Variants in SEC24C observed in about 807,000 individuals in gnomAD.
The protein encoded by SEC24C is SEC24 homolog C, COPII component.
SEC24C carries 22 observed loss-of-function variants against 117.0 expected under a neutral mutation model. The ratio of observed to expected loss-of-function variants is 0.19; its 90% CI spans 0.13 to 0.27. SEC24C has a LOEUF of 0.27. SEC24C is among the 10% of genes least tolerant of loss of function. The probability of loss-of-function intolerance (pLI) is 1.00; values close to 1 mark genes in which losing one functional copy is unlikely to be tolerated. For synonymous variants in SEC24C, 506 were observed against 529.4 expected, an observed-to-expected ratio of 0.96 and a Z score of 0.61; for missense variants, 1,155 against 1,375.1, an observed-to-expected ratio of 0.84 and a Z score of 2.53.
chr10:73,760,497 G>A, intron 5 of SEC24C, 111 bp downstream of exon 5: 2 of 1,343,538 alleles, frequency 1.5e-6, no homozygotes, highest in African/African-American at 1.5e-5. Context: ...TGGTGAATTA[G>A]ATGGGTAGCT....
intron 3 of SEC24C, chr10:73,752,009 G>A (rs1305149963): frequency 6.6e-6 from 1 of 152,156 alleles, no homozygotes; most frequent in African/African-American, 2.4e-5. Flanking sequence ...ATACTAAAAG[G>A]GAAACCACAT....
At chr10:73,768,696 T>A in intron 15 of SEC24C, 114 bp from the exon 16 acceptor site, 9 of 887,436 alleles carry the variant, frequency 1.0e-5, no homozygotes, top group South Asian at 1.4e-5. Context: ...TCATCCTCAC[T>A]GTTATGATGA....
At chr10:73,764,012 T>C (rs1156972851) in intron 8 of SEC24C, 29 bp downstream of exon 8, 1 of 1,555,564 alleles carries the variant, frequency 6.4e-7, no homozygotes, top group Non-Finnish European at 8.7e-7. Context: ...TAGAGTGTAA[T>C]GAAAGGGAGG....
intron 8 of SEC24C, 66 bp from the exon 9 acceptor site, chr10:73,765,382 TTCC>T: frequency 6.4e-7 from 1 of 1,562,510 alleles, no homozygotes; most frequent in South Asian, 1.1e-5. Flanking sequence ...CCGGTTGTTC[TTCC>T]TCATCTCCTG....
In SEC24C at chr10:73,772,135, A is replaced by T; in HGVS notation, c.*1040A>T. On this transcript the variant is annotated 3_prime_UTR_variant, in exon 23 of 23. Transcript: ENST00000345254. ...ATTTTTCAATGCATCTTTAATTTGT[A>T]AAGAAATAAAATAAATTAAGATGTA... 3 of 420,886 alleles carry T rather than the reference A, an allele frequency of 7.1e-6. No individual in the cohort carries two copies. The East Asian group carries it at 1.1e-4, about 15-fold the overall frequency. The allele number at this position is 420,886 out of a possible 1,614,324, so 26.1% of individuals were successfully genotyped here.
chr10:73,765,641 T>G (rs758677270), intron 9 of SEC24C, 52 bp downstream of exon 9: 11 of 1,602,582 alleles, frequency 6.9e-6, no homozygotes, highest in Non-Finnish European at 9.4e-6. Flanking sequence ...GTATCTTCCT[T>G]GTTCTCTATT....
At chr10:73,751,024 T>C in intron 2 of SEC24C, 84 bp from the exon 3 acceptor site, 1 of 1,487,448 alleles carries the variant, frequency 6.7e-7, no homozygotes, top group Admixed American at 1.9e-5. Context: ...GGTCTGAGTT[T>C]ATTGATCCTT....
chr10:73,757,085 T>G (rs962715649), intron 3 of SEC24C, among the ~76,000 whole-genome samples: 6 of 149,454 alleles, frequency 4.0e-5, no homozygotes, highest in Admixed American at 6.6e-5. Context: ...CTAATTTTTG[T>G]ATTTTTTTAG....
At chr10:73,763,667 CTTTTTTT>C (rs71021569) in intron 7 of SEC24C, 66 bp downstream of exon 7, 20 of 60,478 alleles carry the variant, frequency 3.3e-4, no homozygotes, top group East Asian at 2.3e-3. Context: ...ATGGTTGGGG[CTTTTTTT>C]TTTTTTTTTT....
intron 3 of SEC24C, among the ~76,000 whole-genome samples, chr10:73,755,406 G>A (rs766499282): frequency 2.0e-5 from 3 of 152,032 alleles, no homozygotes; most frequent in African/African-American, 7.2e-5. Flanking sequence ...GGCCAGGCGC[G>A]GTGGCTCATG....
intron 15 of SEC24C, among the ~76,000 whole-genome samples, chr10:73,768,323 GCC>G (rs2082917391): frequency 1.3e-5 from 2 of 152,198 alleles, no homozygotes; most frequent in Non-Finnish European, 2.9e-5. Context: ...GTTGTGGTGA[GCC>G]GAGATTGCGC....
At chr10:73,753,349 G>T (rs189942925) in intron 3 of SEC24C, among the ~76,000 whole-genome samples, 1 of 152,294 alleles carries the variant, frequency 6.6e-6, no homozygotes, top group Admixed American at 6.5e-5. Context: ...ACCACGCCCA[G>T]CTGACTTTCT....
chr10:73,763,760 C>T lies in SEC24C; in HGVS notation c.1100-96C>T. 6 of 1,323,244 alleles carry T rather than the reference C, an allele frequency of 4.5e-6. No homozygotes were observed. The South Asian group carries it at 8.0e-5, about 18-fold the overall frequency. 82.0% of individuals were successfully genotyped at this position (1,323,244 alleles called of 1,614,324 possible). On this transcript the variant is annotated intron_variant, in intron 7 of 22. Coordinates refer to ENST00000345254, the MANE Select transcript of SEC24C (RefSeq NM_198597.3). ...CTGGGGGAAAAAGCCACCATCACCT[C>T]TAGCTTTGTGGAGTTGATGGTGTGG...
At position 73,769,517 on chromosome 10, in the gene SEC24C, G is replaced by C; in HGVS notation, c.2563+32G>C. The C allele has an allele frequency of 6.2e-7, 1 of 1,614,068 alleles. No individual in the cohort carries two copies. Among genetic ancestry groups the C allele is most frequent in the Non-Finnish European group, 8.5e-7 (1 of 1,179,946 alleles). ...GTAGAAGCAGGGCAGGGTGGGATTG[G>C]GGCTGAGAGGTCCAGGATGGTGAGT... On this transcript the variant is annotated intron_variant, in intron 18 of 22. Coordinates refer to ENST00000345254, the MANE Select transcript of SEC24C (RefSeq NM_198597.3). The surrounding 1 kb of genome is among the most constrained non-coding windows in gnomAD (Gnocchi z 4.5).
intron 3 of SEC24C, among the ~76,000 whole-genome samples, chr10:73,754,424 A>G (rs1267592363): frequency 1.3e-5 from 2 of 152,194 alleles, no homozygotes; most frequent in Non-Finnish European, 2.9e-5. Context: ...CAGGAAAAAA[A>G]AAGTATATGG....
At chr10:73,768,615 A>C (rs1373739243) in intron 15 of SEC24C, among the ~76,000 whole-genome samples, 195 bp from the exon 16 acceptor site, 5 of 152,232 alleles carry the variant, frequency 3.3e-5, no homozygotes. Flanking sequence ...AAATAATTAT[A>C]TGTAAAGCAC....
chr10:73,762,243 C>A, intron 6 of SEC24C: 1 of 965,830 alleles, frequency 1.0e-6, no homozygotes, highest in Non-Finnish European at 1.4e-6. Flanking sequence ...ACCTCATCTT[C>A]ACCTCATCTA....
chr10:73,755,514 A>G (rs1194614610), intron 3 of SEC24C, among the ~76,000 whole-genome samples: 2 of 151,746 alleles, frequency 1.3e-5, no homozygotes, highest in African/African-American at 4.8e-5. Context: ...CGTCTCTACT[A>G]AAAATACAAA....
chr10:73,748,043 C>T (rs932290061), intron 2 of SEC24C, among the ~76,000 whole-genome samples: 1 of 152,204 alleles, frequency 6.6e-6, no homozygotes, highest in Non-Finnish European at 1.5e-5. Context: ...GATCCACCAG[C>T]CTTGGCCTCC....
Sources: gnomAD v4.1 joint callset for allele counts (sites outside exome capture counted in the v4.1 genomes callset) on GRCh38, gnomAD v4.1.1 for gene constraint, Gnocchi (gnomAD v3.1) non-coding constraint, MANE v1.5 for transcripts, NCBI Gene and HGNC (gene_info 2026-07-23, HGNC 2026-07-21) for gene names.